The following DST variants were observed in gnomAD, a reference collection of about 807,000 sequenced individuals.
DST encodes the protein dystonin, also known as bullous pemphigoid antigen.
A neutral mutation model predicts 875.2 loss-of-function variants in DST; 253 were observed. That is an observed-to-expected ratio of 0.29 (90% confidence interval 0.26 to 0.32). The LOEUF (loss-of-function observed/expected upper bound fraction) is 0.32. Among genes scored for constraint, DST ranks in the 10% least tolerant of loss-of-function variants. The probability of loss-of-function intolerance (pLI) is 1.00; values close to 1 mark genes in which losing one functional copy is unlikely to be tolerated. For missense variants in DST, 8,287 were observed against 9,111.6 expected (o/e 0.91, Z 3.68); for synonymous variants, 3,124 against 3,197.1 (o/e 0.98, Z 0.77).
chr6:56,942,999 G>A (rs543928805), intron 2 of DST, among the ~76,000 whole-genome samples: 1 of 152,144 alleles, frequency 6.6e-6, no homozygotes, highest in East Asian at 1.9e-4. Flanking sequence ...GGGATTACAG[G>A]CATGAGCTAC....
At chr6:56,764,934 G>C (rs904198626) in intron 4 of DST, among the ~76,000 whole-genome samples, 3 of 140,550 alleles carry the variant, frequency 2.1e-5, no homozygotes, top group African/African-American at 5.2e-5. Flanking sequence ...TGCAGCCTGG[G>C]TGACAGAGTG....
rs757984661 is a variant in DST, at chr6:56,615,873, T to C, written c.4930-1389A>G. 21 of 1,614,222 alleles carry C rather than the reference T, an allele frequency of 1.3e-5. No individual in the cohort carries two copies. Among genetic ancestry groups the C allele is most frequent in the Non-Finnish European group, 1.8e-5 (21 of 1,180,034 alleles). ...TCCACCACTGACATCATTTTGTTAGTGATGGGATGGCCAATCCCTGTGATT... is the reference window on the plus strand; with the variant it reads ...TCCACCACTGACATCATTTTGTTAGCGATGGGATGGCCAATCCCTGTGATT... On this transcript the variant is annotated intron_variant, in intron 36 of 103. Transcript: ENST00000680361.
At chr6:56,616,947 G>C (rs755973357) in intron 36 of DST, 12 of 1,604,490 alleles carry the variant, frequency 7.5e-6, no homozygotes, top group Non-Finnish European at 1.0e-5. Flanking sequence ...GTTGCAGCCT[G>C]AGCTTCTAAA....
chr6:56,463,894 A>G (rs1159144261), intron 100 of DST, 130 bp from the exon 101 acceptor site: 2 of 960,912 alleles, frequency 2.1e-6, no homozygotes, highest in East Asian at 2.4e-5. Flanking sequence ...TCTTTTTGCC[A>G]TGCCAACTCC....
rs1206332682 is a variant in DST, at chr6:56,555,450, A to G, written c.15031T>C (p.Cys5011Arg). ...KKQIKVAQAL[C>R]EDLSALVKEE... Reference sequence around the variant, plus strand: ...TTAACCAGTGCTGACAAATCCTCACAGAGTGCCTGGGCCACTTTTATCTGC... The same window carrying G: ...TTAACCAGTGCTGACAAATCCTCACGGAGTGCCTGGGCCACTTTTATCTGC... Residue 5011 changes from cysteine to arginine, a missense_variant, in exon 60 of 104, where the codon TGT (cysteine) becomes CGT (arginine). Coordinates refer to ENST00000680361, the MANE Select transcript of DST (RefSeq NM_001374736.1). 13 of 1,613,886 alleles carry G rather than the reference A, an allele frequency of 8.1e-6. No homozygotes were observed. Among genetic ancestry groups the G allele is most frequent in the African/African-American group, 1.3e-5 (1 of 74,928 alleles).
At chr6:56,810,606 G>T (rs947476027) in intron 4 of DST, among the ~76,000 whole-genome samples, 5 of 151,852 alleles carry the variant, frequency 3.3e-5, no homozygotes, top group Admixed American at 6.6e-5. Context: ...TTAAAGCAGT[G>T]AGGGACATCA....
intron 4 of DST, 84 bp from the exon 5 acceptor site, chr6:56,735,373 G>T: frequency 1.2e-6 from 1 of 864,492 alleles, no homozygotes; most frequent in Non-Finnish European, 1.8e-6. Context: ...AAACAAAAAT[G>T]AGATATTTAA....
At position 56,572,275 on chromosome 6, in the gene DST, C is replaced by T; in HGVS notation, c.13555-9G>A. 6.5e-7 allele frequency: 1 copy of T among 1,535,748 alleles called. No individual in the cohort carries two copies. Among genetic ancestry groups the T allele is most frequent in the Non-Finnish European group, 8.8e-7 (1 of 1,137,824 alleles). On this transcript the variant is annotated splice_polypyrimidine_tract_variant and intron_variant, in intron 52 of 103. Coordinates refer to ENST00000680361, the MANE Select transcript of DST (RefSeq NM_001374736.1). Reference sequence around the variant, plus strand: ...AATTCAGAAGTTGATTCCTACAAAGCATTAAGATATTCAGTCAATATAAAT... The same window carrying T: ...AATTCAGAAGTTGATTCCTACAAAGTATTAAGATATTCAGTCAATATAAAT...
At position 56,492,442 on chromosome 6, in the gene DST, GA is replaced by G. The variant is rs756520184; in HGVS notation, c.20551-10del. ...ACTTCATTGGCAAAAACCTTTCCCA[GA>G]AAAAAAGGAAATAAGTAGAAACAAA... is the stretch of plus-strand genomic sequence containing the variant. On this transcript the variant is annotated splice_polypyrimidine_tract_variant and intron_variant, in intron 84 of 103. Transcript: ENST00000680361. 33 of 1,596,924 alleles carry G rather than the reference GA, an allele frequency of 2.1e-5. No individual in the cohort carries two copies. The highest frequency in any genetic ancestry group is 4.6e-5 in the South Asian group (4 of 87,150).
Position 56,870,659 on chromosome 6 carries a change from A to G in DST, c.418-19055T>C, listed in dbSNP as rs570095777. Among the ~76,000 whole-genome samples the G allele has an allele frequency of 6.6e-5, 10 of 152,146 alleles. No individual in the cohort carries two copies. In the East Asian group the frequency reaches 1.9e-3, roughly 29 times the overall value. ...GCACCTGTAATCCCAGCTACTCGGG[A>G]GGCTGAGGCAGGAGAATCACTTGAA... On this transcript the variant is annotated intron_variant, in intron 3 of 103. Transcript: ENST00000680361.
chr6:56,717,252 C>G (rs1312759852), intron 5 of DST, among the ~76,000 whole-genome samples: 1 of 152,020 alleles, frequency 6.6e-6, no homozygotes, highest in Admixed American at 6.6e-5. Flanking sequence ...CTGGCAAGCA[C>G]AGTTCACAAT....
At chr6:56,794,496 C>T (rs1020268492) in intron 4 of DST, among the ~76,000 whole-genome samples, 1 of 152,100 alleles carries the variant, frequency 6.6e-6, no homozygotes, top group Admixed American at 6.6e-5. Context: ...AGAGAGGTGA[C>T]CACTAAGCCA....
At chr6:56,821,704 T>C (rs542393402) in intron 4 of DST, among the ~76,000 whole-genome samples, 1 of 152,214 alleles carries the variant, frequency 6.6e-6, no homozygotes, top group African/African-American at 2.4e-5. Context: ...GACTGCCCTA[T>C]GAAAACAGTT....
At chr6:56,599,839 C>T (rs1012345406) in intron 45 of DST, among the ~76,000 whole-genome samples, 5 of 152,100 alleles carry the variant, frequency 3.3e-5, no homozygotes, top group African/African-American at 1.2e-4. Context: ...AATATTTCCT[C>T]CACTCAATAT....
chr6:56,480,130 GC>G (rs1404036848), intron 90 of DST, among the ~76,000 whole-genome samples: 1 of 152,076 alleles, frequency 6.6e-6, no homozygotes, highest in African/African-American at 2.4e-5. Flanking sequence ...CTGAATAAAT[GC>G]TTTTTAGACC....
At chr6:56,931,648 G>A (rs948226472) in intron 2 of DST, among the ~76,000 whole-genome samples, 4 of 152,204 alleles carry the variant, frequency 2.6e-5, no homozygotes, top group Non-Finnish European at 5.9e-5. Context: ...CCAAGAACAT[G>A]GGAACCCACC....
At chr6:56,563,484 C>G (rs1267089387) in intron 55 of DST, among the ~76,000 whole-genome samples, 1 of 152,042 alleles carries the variant, frequency 6.6e-6, no homozygotes, top group Non-Finnish European at 1.5e-5. Context: ...CTGGTATCAG[C>G]CATTTGTCAG....
chr6:56,851,808 T>C (rs1304840038), intron 3 of DST: 2 of 1,551,464 alleles, frequency 1.3e-6, no homozygotes, highest in African/African-American at 2.7e-5. Context: ...TGGCCAAGTC[T>C]CCAATCGTAA....
chr6:56,949,299 T>C (rs1266855635), intron 2 of DST, among the ~76,000 whole-genome samples: 4 of 152,244 alleles, frequency 2.6e-5, no homozygotes, highest in African/African-American at 9.6e-5. Context: ...GTAGCTAAAG[T>C]CAGCGTTAAT....
Sources: allele counts gnomAD v4.1 joint callset (sites outside exome capture counted in the v4.1 genomes callset), GRCh38; gene constraint gnomAD v4.1.1; transcripts MANE v1.5; gene names NCBI Gene and HGNC (gene_info 2026-07-23, HGNC 2026-07-21).